Variants in EML5 observed in about 807,000 individuals in gnomAD.
EML5 encodes the protein EMAP like 5.
A neutral mutation model predicts 250.0 loss-of-function variants in EML5; 120 were observed. The ratio of observed to expected loss-of-function variants is 0.48; its 90% CI spans 0.41 to 0.56. The LOEUF (loss-of-function observed/expected upper bound fraction) is 0.56, where lower values mean the gene tolerates loss of function less well. Among genes scored for constraint, EML5 ranks in the 20% least tolerant of loss-of-function variants. EML5 has a pLI of 0.00. For synonymous variants in EML5, 771 were observed against 806.5 expected (o/e 0.96, Z 0.75); for missense variants, 2,006 against 2,437.6 (o/e 0.82, Z 3.73).
intron 1 of EML5, among the ~76,000 whole-genome samples, chr14:88,776,983 A>G (rs758989019): frequency 2.0e-5 from 3 of 152,160 alleles, no homozygotes; most frequent in Non-Finnish European, 4.4e-5. Flanking sequence ...GGCCTTAAAG[A>G]GGAGCTAGAT....
intron 1 of EML5, among the ~76,000 whole-genome samples, chr14:88,790,344 G>A (rs2140894475): frequency 6.6e-6 from 1 of 152,312 alleles, no homozygotes; most frequent in Non-Finnish European, 1.5e-5. Flanking sequence ...ATTCAACGAT[G>A]AGAAATTCGA....
chr14:88,738,958 A>G lies in EML5; in HGVS notation c.768T>C (p.Asp256=). 1 of 1,608,622 alleles carries G rather than the reference A, an allele frequency of 6.2e-7. No homozygotes were observed. The highest frequency in any genetic ancestry group is 8.5e-7 in the Non-Finnish European group (1 of 1,177,708). The part of the protein sequence containing the change: ...CEEGFATGGR[D]GCIRLWDLTF... ...TTAAATCCCAAAGACGAATACAACC[A>G]TCTCTGCCACCAGTAGCAAAGCCTT... Residue 256 remains aspartate (D), a synonymous_variant, in exon 6 of 44, where the codon GAT becomes GAC. Transcript: ENST00000554922.
chr14:88,736,243 C>T, intron 7 of EML5, 121 bp downstream of exon 7: 1 of 1,059,408 alleles, frequency 9.4e-7, no homozygotes, highest in Non-Finnish European at 1.4e-6. Flanking sequence ...TTGTGATCTG[C>T]CCGCCTTGGC....
intron 1 of EML5, among the ~76,000 whole-genome samples, chr14:88,777,466 T>C (rs2094457501): frequency 6.6e-6 from 1 of 152,180 alleles, no homozygotes; most frequent in Non-Finnish European, 1.5e-5. Flanking sequence ...AGGACATTAA[T>C]GAGCAATAAG....
At chr14:88,690,753 T>C (rs1028281113) in intron 17 of EML5, among the ~76,000 whole-genome samples, 1 of 152,144 alleles carries the variant, frequency 6.6e-6, no homozygotes, top group Non-Finnish European at 1.5e-5. Context: ...GAGAGGAACA[T>C]TGATGATACA....
chr14:88,626,616 CAAAA>C, intron 35 of EML5: 18 of 474,582 alleles, frequency 3.8e-5, no homozygotes, highest in Middle Eastern at 5.7e-4. Context: ...GATACTGTGT[CAAAA>C]AAAAAAAAAA....
intron 39 of EML5, 75 bp from the exon 40 acceptor site, chr14:88,618,887 T>A: frequency 7.0e-7 from 1 of 1,433,884 alleles, no homozygotes; most frequent in South Asian, 1.5e-5. Context: ...TGACTTTTCC[T>A]TTCTAGTTCT....
chr14:88,780,612 G>C (rs2140762079), intron 1 of EML5, among the ~76,000 whole-genome samples: 1 of 151,724 alleles, frequency 6.6e-6, no homozygotes, highest in Non-Finnish European at 1.5e-5. Flanking sequence ...CACTCACTGT[G>C]TCATCCAGGC....
chr14:88,770,282 G>C (rs1021076778), intron 1 of EML5, among the ~76,000 whole-genome samples: 1 of 151,850 alleles, frequency 6.6e-6, no homozygotes, highest in African/African-American at 2.4e-5. Context: ...ATTTTAATGA[G>C]GTTCAATTTA....
At chr14:88,709,091 A>G (rs1013194221) in intron 10 of EML5, among the ~76,000 whole-genome samples, 5 of 152,210 alleles carry the variant, frequency 3.3e-5, no homozygotes, top group African/African-American at 1.2e-4. Context: ...ATATGGTATC[A>G]ATATGACAAA....
chr14:88,735,467 C>T (rs1363397827), intron 7 of EML5, among the ~76,000 whole-genome samples: 6 of 152,000 alleles, frequency 3.9e-5, no homozygotes, highest in African/African-American at 9.7e-5. Context: ...CATAACAACC[C>T]TCAATATAAG....
intron 1 of EML5, among the ~76,000 whole-genome samples, chr14:88,784,799 TAA>T (rs2094534125): frequency 6.6e-6 from 1 of 152,094 alleles, no homozygotes; most frequent in Non-Finnish European, 1.5e-5. Flanking sequence ...CTCAAAAAAC[TAA>T]AAATAGTGCT....
chr14:88,677,374 A>T (rs2141115612), intron 21 of EML5, among the ~76,000 whole-genome samples: 1 of 152,362 alleles, frequency 6.6e-6, no homozygotes, highest in East Asian at 1.9e-4. Context: ...AGGCAATACC[A>T]TTCAGGACAC....
chr14:88,764,000 C>A (rs2094286755), intron 1 of EML5, among the ~76,000 whole-genome samples: 2 of 152,180 alleles, frequency 1.3e-5, no homozygotes, highest in Non-Finnish European at 2.9e-5. Context: ...GAGATAGTCA[C>A]CTGGCTTTTC....
intron 20 of EML5, among the ~76,000 whole-genome samples, chr14:88,683,354 C>G (rs920721232): frequency 6.6e-6 from 1 of 152,104 alleles, no homozygotes; most frequent in Non-Finnish European, 1.5e-5. Flanking sequence ...ATTGGTTTAG[C>G]CTGTGGCACA....
intron 1 of EML5, among the ~76,000 whole-genome samples, chr14:88,761,656 T>C (rs2094245659): frequency 6.6e-6 from 1 of 152,240 alleles, no homozygotes; most frequent in Admixed American, 6.5e-5. Context: ...GTAATAAACA[T>C]ACATGTGCAT....
At chr14:88,685,413 T>C (rs1362860314) in intron 19 of EML5, among the ~76,000 whole-genome samples, 2 of 152,210 alleles carry the variant, frequency 1.3e-5, no homozygotes, top group African/African-American at 4.8e-5. Flanking sequence ...CTTCTTATAT[T>C]AGCCCTTCCT....
At chr14:88,643,906 CAG>C (rs1214841609) in intron 30 of EML5, among the ~76,000 whole-genome samples, 3 of 152,162 alleles carry the variant, frequency 2.0e-5, no homozygotes, top group Non-Finnish European at 4.4e-5. Context: ...TTTGATTTAG[CAG>C]AGTTTGGTTG....
intron 10 of EML5, among the ~76,000 whole-genome samples, chr14:88,707,345 C>A (rs1487097193): frequency 6.6e-6 from 1 of 151,316 alleles, no homozygotes; most frequent in African/African-American, 2.4e-5. Flanking sequence ...CCAGGCTGGT[C>A]TCGAACTCCT....
Sources: allele counts gnomAD v4.1 joint callset (sites outside exome capture counted in the v4.1 genomes callset), GRCh38; gene constraint gnomAD v4.1.1; transcripts MANE v1.5; gene names NCBI Gene and HGNC (gene_info 2026-07-23, HGNC 2026-07-21).